Variants in SERINC3 observed in about 807,000 individuals in gnomAD.
SERINC3 encodes tumor differentially expressed protein 1.
SERINC3 carries 22 observed loss-of-function variants against 52.1 expected under a neutral mutation model. That is an observed-to-expected ratio of 0.42 (90% CI 0.30 to 0.60). SERINC3 has a LOEUF of 0.60. SERINC3 is among the 20% of genes least tolerant of loss of function. The pLI is 0.16. For synonymous variants in SERINC3, 226 were observed against 212.7 expected (o/e 1.06, Z -0.54); for missense variants, 564 against 584.6 (o/e 0.96, Z 0.36).
rs2064294488 is a variant in SERINC3, at chr20:44,503,821, TACAAGAGGCAGAGAAC to T, written c.1033_1048del (p.Val345IlefsTer12). 6.5e-7 allele frequency: 1 copy of T among 1,546,852 alleles called. No individual in the cohort carries two copies. Among genetic ancestry groups the T allele is most frequent in the Non-Finnish European group, 8.7e-7 (1 of 1,155,810 alleles). On this transcript the variant is annotated frameshift_variant, in exon 8 of 10. Transcript: ENST00000342374. LOFTEE classifies it high-confidence loss of function. The stretch of plus-strand genomic sequence containing the variant: ...TAAGTACCTTTTAACTTACCTAGAA[TACAAGAGGCAGAGAAC>T]AAAGACAAACAGTCCAATAAAATTA...
rs1278166319 is a variant in SERINC3, at chr20:44,518,603, C to T, written c.39+3310G>A. Among the ~76,000 whole-genome samples the T allele has an allele frequency of 7.9e-5, 12 of 152,296 alleles. 1 individual carries two copies. The East Asian group carries it at 2.3e-3, about 29-fold the overall frequency. ...TATTTATTCTCCTAAAAAAACTTGT[C>T]TTTCCTAAAGAAACCTATTTGTTCT... On this transcript the variant is annotated intron_variant, in intron 1 of 9. Transcript: ENST00000342374.
At chr20:44,516,357 T>G (rs1334763935) in intron 1 of SERINC3, among the ~76,000 whole-genome samples, 1 of 152,124 alleles carries the variant, frequency 6.6e-6, no homozygotes, top group African/African-American at 2.4e-5. Context: ...GTGACCACAC[T>G]ACATGAAAGA....
chr20:44,506,896 C>A lies in SERINC3; in HGVS notation c.714G>T (p.Lys238Asn), dbSNP rs748729917. The change falls in exon 6 of 10, where the codon AAG becomes AAT. Residue 238 changes from lysine to asparagine, a missense_variant. Lys to Asn is a moderately conservative substitution (Grantham distance 94, BLOSUM62 0). Transcript: ENST00000342374. Reference protein sequence around the residue: ...YTKPDGCTENKFFISINLILC... With the variant: ...YTKPDGCTENNFFISINLILC... ...GGATCAGGTTAATACTGATGAAGAA[C>A]TTGTTTTCTGTGCAGCCATCTGGTT... The A allele has an allele frequency of 3.1e-6, 5 of 1,613,618 alleles. No individual in the cohort carries two copies. Among genetic ancestry groups the A allele is most frequent in the Non-Finnish European group, 4.2e-6 (5 of 1,179,818 alleles).
chr20:44,514,120 G>T, intron 1 of SERINC3, 80 bp from the exon 2 acceptor site: 1 of 1,440,400 alleles, frequency 6.9e-7, no homozygotes, highest in East Asian at 2.4e-5. Flanking sequence ...AAGAGAAAGC[G>T]AGGCAAATCA....
At chr20:44,519,481 T>C (rs1251425058) in intron 1 of SERINC3, 2 of 547,332 alleles carry the variant, frequency 3.7e-6, no homozygotes, top group Non-Finnish European at 4.7e-6. Flanking sequence ...TTTGTCTCTA[T>C]ATGGGTGCAT....
Position 44,512,941 on chromosome 20 carries a change from T to G in SERINC3, c.255A>C (p.Ala85=). ...GFKIHEADIN[A]DKDCDVLVGY... ...CAACCAGCACATCACAATCTTTATCTGCATTTATATCAGCCTCATGGATTT... is the reference window on the plus strand; with the variant it reads ...CAACCAGCACATCACAATCTTTATCGGCATTTATATCAGCCTCATGGATTT... The change falls in exon 3 of 10, where the codon GCA becomes GCC. Residue 85 remains alanine, a synonymous_variant. Transcript: ENST00000342374. 6.5e-7 allele frequency: 1 copy of G among 1,540,028 alleles called. No individual in the cohort carries two copies. The highest frequency in any genetic ancestry group is 2.5e-5 in the East Asian group (1 of 40,408).
At chr20:44,504,441 G>A (rs896841134) in intron 7 of SERINC3, among the ~76,000 whole-genome samples, 3 of 152,184 alleles carry the variant, frequency 2.0e-5, no homozygotes, top group African/African-American at 7.2e-5. Context: ...AACTACAAAA[G>A]GAGATTTCCT....
chr20:44,501,187 G>C lies in SERINC3; in HGVS notation c.1169C>G (p.Pro390Arg). 6.2e-7 allele frequency: 1 copy of C among 1,614,164 alleles called. No homozygotes were observed. The highest frequency in any genetic ancestry group is 8.5e-7 in the Non-Finnish European group (1 of 1,180,028). ...SGASDEEDGQ[P>R]RRAVDNEKEG... ...TTTCTCGTTGTCCACAGCCCGCCGA[G>C]GCTGTCCATCTTCTTCATCACTGGC... Residue 390 changes from proline (P) to arginine (R), a missense_variant, in exon 9 of 10, where the codon CCT becomes CGT. Coordinates refer to ENST00000342374, the MANE Select transcript of SERINC3 (RefSeq NM_006811.4).
chr20:44,504,682 G>A (rs763442454), intron 7 of SERINC3, 119 bp downstream of exon 7: 45 of 767,656 alleles, frequency 5.9e-5, no homozygotes, highest in Middle Eastern at 7.8e-4. Flanking sequence ...AACACTGTAC[G>A]TTTAAGTTTT....
intron 5 of SERINC3, among the ~76,000 whole-genome samples, chr20:44,508,336 G>A (rs1235883699): frequency 6.6e-6 from 1 of 151,854 alleles, no homozygotes; most frequent in Non-Finnish European, 1.5e-5. Flanking sequence ...AGCCGGTCGT[G>A]GTGGTGTAGG....
rs905455604 is a variant in SERINC3, at chr20:44,521,967, G to C, written c.-16C>G. 1 of 1,607,418 alleles carries C rather than the reference G, an allele frequency of 6.2e-7. No individual in the cohort carries two copies. Among genetic ancestry groups the C allele is most frequent in the Non-Finnish European group, 8.5e-7 (1 of 1,177,050 alleles). ...CAGCCCCCATGGTGACGCCAGTGAT[G>C]GAGGTGGCCGGTCCTGAGGCTGCTT... is the stretch of plus-strand genomic sequence containing the variant. On this transcript the variant is annotated 5_prime_UTR_variant, in exon 1 of 10. Transcript: ENST00000342374.
intron 8 of SERINC3, among the ~76,000 whole-genome samples, chr20:44,503,137 G>A (rs368757765): frequency 6.6e-6 from 1 of 152,080 alleles, no homozygotes; most frequent in South Asian, 2.1e-4. Flanking sequence ...TATCTTCATG[G>A]TCACAGACTG....
At chr20:44,516,293 C>T (rs1309742914) in intron 1 of SERINC3, among the ~76,000 whole-genome samples, 1 of 151,834 alleles carries the variant, frequency 6.6e-6, no homozygotes, top group African/African-American at 2.4e-5. Context: ...CAGACTGAGA[C>T]TCCGTCTCAA....
At chr20:44,510,596 G>A (rs2064341039) in intron 4 of SERINC3, among the ~76,000 whole-genome samples, 1 of 152,114 alleles carries the variant, frequency 6.6e-6, no homozygotes, top group Non-Finnish European at 1.5e-5. Flanking sequence ...GGTGGATCAT[G>A]AGGTCAAGAG....
At chr20:44,506,001 C>T (rs992839229) in intron 6 of SERINC3, among the ~76,000 whole-genome samples, 3 of 152,030 alleles carry the variant, frequency 2.0e-5, no homozygotes, top group African/African-American at 7.2e-5. Context: ...TGGCTAATGA[C>T]TCATAAGAAT....
chr20:44,518,808 T>C (rs1261041066), intron 1 of SERINC3, among the ~76,000 whole-genome samples: 2 of 151,922 alleles, frequency 1.3e-5, no homozygotes, highest in Non-Finnish European at 2.9e-5. Context: ...CTACTAAAAA[T>C]ACAAAATTAG....
At chr20:44,521,755 G>A (rs537133945) in intron 1 of SERINC3, among the ~76,000 whole-genome samples, 158 bp downstream of exon 1, 1 of 152,386 alleles carries the variant, frequency 6.6e-6, no homozygotes, top group African/African-American at 2.4e-5. Flanking sequence ...TGGACCTGAG[G>A]GTATCGCGGA....
chr20:44,510,120 CAG>C, intron 4 of SERINC3, 92 bp from the exon 5 acceptor site: 2 of 1,249,720 alleles, frequency 1.6e-6, no homozygotes, highest in Admixed American at 2.0e-5. Flanking sequence ...TAAAACAAGA[CAG>C]AGGTGGTAAA....
chr20:44,503,231 C>T (rs1208680409), intron 8 of SERINC3, among the ~76,000 whole-genome samples: 2 of 152,168 alleles, frequency 1.3e-5, no homozygotes, highest in South Asian at 2.1e-4. Context: ...ATCCCAGCTA[C>T]ATATTTTTTT....
Sources: gnomAD v4.1 joint callset for allele counts (sites outside exome capture counted in the v4.1 genomes callset) on GRCh38, gnomAD v4.1.1 for gene constraint, MANE v1.5 for transcripts, NCBI Gene and HGNC (gene_info 2026-07-23, HGNC 2026-07-21) for gene names.